Variants in GPC5 observed in about 807,000 individuals in gnomAD.
GPC5 encodes the protein glypican 5.
Under a neutral mutation model 53.9 loss-of-function variants are expected in GPC5, and 47 were observed. That is an observed-to-expected ratio of 0.87 (90% CI 0.69 to 1.11). The LOEUF is 1.11. GPC5 is among the 50% of genes most tolerant of loss of function. GPC5 has a pLI of 0.00. For synonymous variants in GPC5, 286 were observed against 263.3 expected (o/e 1.09, Z -0.84); for missense variants, 748 against 713.1 (o/e 1.05, Z -0.56).
At position 91,572,061 on chromosome 13, in the gene GPC5, A is replaced by G. The variant is rs545884368; in HGVS notation, c.326-121126A>G. Among the ~76,000 whole-genome samples, 124 of 144,082 alleles carry G rather than the reference A, an allele frequency of 8.6e-4. 17 individuals are homozygous for G. Among genetic ancestry groups the G allele is most frequent in the African/African-American group, 3.0e-3 (115 of 37,756 alleles). The allele number at this position is 144,082 out of a possible 152,430, so 94.5% of individuals were successfully genotyped here. A position where few individuals can be genotyped will look rare whatever the true frequency, so the allele number is the denominator to read the frequency against. ...TGTATATACACACATATGTATATAT[A>G]CATGTATATACACACATATGTATAT... On this transcript the variant is annotated intron_variant, in intron 2 of 7. Coordinates refer to ENST00000377067, the MANE Select transcript of GPC5 (RefSeq NM_004466.6).
chr13:91,758,470 T>C (rs1292124984), intron 5 of GPC5, among the ~76,000 whole-genome samples: 3 of 152,150 alleles, frequency 2.0e-5, no homozygotes, highest in African/African-American at 7.2e-5. Flanking sequence ...TCTGAATTTA[T>C]CCCATTCCTC....
chr13:92,431,894 G>C (rs1004140866), intron 7 of GPC5, among the ~76,000 whole-genome samples: 46 of 152,308 alleles, frequency 3.0e-4, no homozygotes, highest in African/African-American at 1.1e-3. Flanking sequence ...AATAGTGTCA[G>C]TGATGAATTT....
intron 7 of GPC5, among the ~76,000 whole-genome samples, chr13:92,212,737 C>T (rs1027614458): frequency 1.3e-5 from 2 of 152,186 alleles, no homozygotes; most frequent in Non-Finnish European, 2.9e-5. Flanking sequence ...CTAATGTCCT[C>T]TGGGCACAGC....
chr13:91,917,010 C>T (rs2039666262), intron 6 of GPC5, among the ~76,000 whole-genome samples: 1 of 152,192 alleles, frequency 6.6e-6, no homozygotes, highest in African/African-American at 2.4e-5. Context: ...AAAACACAAT[C>T]ATGCCTTTCC....
chr13:91,831,045 A>G (rs2038651453), intron 5 of GPC5, among the ~76,000 whole-genome samples: 1 of 138,384 alleles, frequency 7.2e-6, no homozygotes, highest in African/African-American at 2.7e-5. Flanking sequence ...TATATATATT[A>G]TATATATCCT....
intron 7 of GPC5, among the ~76,000 whole-genome samples, chr13:92,703,200 A>G (rs2139254248): frequency 6.6e-6 from 1 of 151,938 alleles, no homozygotes; most frequent in African/African-American, 2.4e-5. Flanking sequence ...AATTACCAGA[A>G]CTCACAATAA....
chr13:91,816,416 T>C (rs911270494), intron 5 of GPC5, among the ~76,000 whole-genome samples: 1 of 152,042 alleles, frequency 6.6e-6, no homozygotes, highest in African/African-American at 2.4e-5. Context: ...TGGATTTGCT[T>C]TCAGGGAGGG....
At chr13:91,455,058 T>C (rs1349999753) in intron 2 of GPC5, among the ~76,000 whole-genome samples, 2 of 152,104 alleles carry the variant, frequency 1.3e-5, no homozygotes, top group African/African-American at 4.8e-5. Flanking sequence ...CTTTTATCCA[T>C]TTAATTTGAT....
intron 7 of GPC5, among the ~76,000 whole-genome samples, chr13:92,481,088 A>T (rs912450022): frequency 2.1e-5 from 3 of 145,430 alleles, no homozygotes; most frequent in African/African-American, 7.4e-5. Flanking sequence ...AAGATCACTA[A>T]TTTTTATATT....
intron 2 of GPC5, among the ~76,000 whole-genome samples, chr13:91,478,089 T>C (rs1273552100): frequency 6.6e-6 from 1 of 152,154 alleles, no homozygotes; most frequent in East Asian, 1.9e-4. Flanking sequence ...GAACCTTTCA[T>C]ATGAAAATTG....
chr13:92,288,072 A>G (rs886215379), intron 7 of GPC5, among the ~76,000 whole-genome samples: 2 of 151,862 alleles, frequency 1.3e-5, no homozygotes, highest in African/African-American at 4.8e-5. Context: ...CAGCTCTATT[A>G]TATCTATTTA....
At chr13:92,212,739 G>A (rs569282802) in intron 7 of GPC5, among the ~76,000 whole-genome samples, 6 of 152,280 alleles carry the variant, frequency 3.9e-5, no homozygotes, top group African/African-American at 1.4e-4. Flanking sequence ...AATGTCCTCT[G>A]GGCACAGCAG....
chr13:91,449,041 T>A, intron 2 of GPC5, 119 bp downstream of exon 2: 2 of 1,134,292 alleles, frequency 1.8e-6, no homozygotes, highest in Non-Finnish European at 1.2e-6. Flanking sequence ...TATTCGGGTA[T>A]AAAATGAGGT....
At chr13:92,692,759 T>TTTTTTTTTTTTTTTTTTTTTTTTTA (rs1566366407) in intron 7 of GPC5, among the ~76,000 whole-genome samples, 1 of 142,114 alleles carries the variant, frequency 7.0e-6, no homozygotes, top group Non-Finnish European at 1.5e-5. Context: ...CGGCTATTTT[T>TTTTTTTTTTTTTTTTTTTTTTTTTA]TTTTTTTTTT....
At chr13:92,681,594 G>C (rs1887112451) in intron 7 of GPC5, among the ~76,000 whole-genome samples, 1 of 152,110 alleles carries the variant, frequency 6.6e-6, no homozygotes, top group African/African-American at 2.4e-5. Flanking sequence ...ACACCTACTT[G>C]TCTCATGATA....
At chr13:92,432,310 G>A (rs983225228) in intron 7 of GPC5, among the ~76,000 whole-genome samples, 4 of 151,342 alleles carry the variant, frequency 2.6e-5, no homozygotes, top group Non-Finnish European at 5.9e-5. Context: ...TTTTTTTATG[G>A]CAGCCTAAGC....
At chr13:92,501,196 A>G (rs146983373) in intron 7 of GPC5, among the ~76,000 whole-genome samples, 4 of 152,294 alleles carry the variant, frequency 2.6e-5, no homozygotes, top group South Asian at 4.1e-4. Flanking sequence ...TTAACAAGCT[A>G]TAATAAAATA....
chr13:92,398,566 C>A (rs943833569), intron 7 of GPC5, among the ~76,000 whole-genome samples: 1 of 151,234 alleles, frequency 6.6e-6, no homozygotes, highest in African/African-American at 2.4e-5. Flanking sequence ...GAATAATATT[C>A]TTTGTTTATC....
chr13:92,122,370 C>G (rs529988517), intron 6 of GPC5, among the ~76,000 whole-genome samples: 1 of 151,684 alleles, frequency 6.6e-6, no homozygotes, highest in South Asian at 2.1e-4. Context: ...TCCGAAACTT[C>G]TGAAGAGATA....
Sources: allele counts gnomAD v4.1 joint callset (sites outside exome capture counted in the v4.1 genomes callset), GRCh38; gene constraint gnomAD v4.1.1; transcripts MANE v1.5; gene names NCBI Gene and HGNC (gene_info 2026-07-23, HGNC 2026-07-21).